The following TRHDE variants were observed in gnomAD, a reference collection of about 807,000 sequenced individuals.
TRHDE encodes the protein thyrotropin-releasing hormone-degrading ectoenzyme.
A neutral mutation model predicts 125.7 loss-of-function variants in TRHDE; 72 were observed. The ratio of observed to expected loss-of-function variants is 0.57; its 90% CI spans 0.47 to 0.70. The LOEUF is 0.70. Ranked by LOEUF, TRHDE falls within the 30% of genes least tolerant of loss-of-function variation. TRHDE has a pLI of 0.00. For missense variants in TRHDE, 1,110 were observed against 1,327.1 expected (o/e 0.84, Z 2.54); for synonymous variants, 509 against 509.1 (o/e 1.00, Z 0.00).
intron 2 of TRHDE, among the ~76,000 whole-genome samples, chr12:72,173,369 A>G (rs1259558371): frequency 6.6e-6 from 1 of 152,210 alleles, no homozygotes; most frequent in Non-Finnish European, 1.5e-5. Context: ...CTATCTGACT[A>G]AAGGTTTCAC....
rs1235485416 is a variant in TRHDE at position 72,656,963 on chromosome 12, C to T, written c.3021C>T (p.Ile1007=). ...GEALFMNSKL[I]SGVTEFLNTE... is the part of the protein sequence containing the mutation. ...CATTGTTTATGAATTCCAAACTCAT[C>T]AGTGGTGTCACAGAATTTCTTAATA... Residue 1007 remains isoleucine, a synonymous_variant, in exon 18 of 19, where the codon ATC becomes ATT. Transcript: ENST00000261180. The T allele has an allele frequency of 6.2e-7, 1 of 1,611,134 alleles. No individual in the cohort carries two copies. The highest frequency in any genetic ancestry group is 1.1e-5 in the South Asian group (1 of 90,724).
intron 5 of TRHDE, among the ~76,000 whole-genome samples, chr12:72,478,195 G>A (rs1421557513): frequency 1.3e-5 from 2 of 152,138 alleles, no homozygotes; most frequent in Admixed American, 6.6e-5. Context: ...CTGATACCCA[G>A]TGAATGTGAG....
In TRHDE at chr12:72,668,237, G is replaced by A. The variant is rs375410980; in HGVS notation, c.*5042G>A. 4.6e-5 allele frequency: 7 copies of A among 151,680 alleles called. No individual in the cohort carries two copies. In the South Asian group the frequency reaches 8.3e-4, roughly 18 times the overall value. 9.4% of individuals were successfully genotyped at this position (151,680 alleles called of 1,614,324 possible). The stretch of plus-strand genomic sequence containing the variant: ...ACTTCAGTAGTTTTATTTTTATTTT[G>A]TGAAATTTTATTTTAAAGTTTAGGT... On this transcript the variant is annotated 3_prime_UTR_variant, in exon 19 of 19. Coordinates refer to ENST00000261180, the MANE Select transcript of TRHDE (RefSeq NM_013381.3).
chr12:72,515,800 T>C (rs1266419465), intron 6 of TRHDE, among the ~76,000 whole-genome samples: 1 of 151,962 alleles, frequency 6.6e-6, no homozygotes, highest in African/African-American at 2.4e-5. Context: ...GTTTAATCCA[T>C]CTTGAATTGA....
chr12:72,375,579 A>G (rs2135771937), intron 2 of TRHDE, among the ~76,000 whole-genome samples: 1 of 152,324 alleles, frequency 6.6e-6, no homozygotes, highest in African/African-American at 2.4e-5. Flanking sequence ...ATTTTAGAGT[A>G]GTTCCGGTTA....
chr12:72,342,778 G>A (rs1387170447), intron 2 of TRHDE, among the ~76,000 whole-genome samples: 5 of 152,046 alleles, frequency 3.3e-5, no homozygotes, highest in African/African-American at 1.2e-4. Flanking sequence ...TAGTTTTATA[G>A]ACAGGAACCT....
rs894758832 is a variant in TRHDE at position 72,487,100 on chromosome 12, A to AT, written c.1585-12388dup. Among the ~76,000 whole-genome samples the AT allele has an allele frequency of 1.3e-3, 189 of 150,512 alleles. 1 individual carries two copies. Among genetic ancestry groups the AT allele is most frequent in the African/African-American group, 3.8e-3 (155 of 41,118 alleles). On this transcript the variant is annotated intron_variant, in intron 5 of 18. Transcript: ENST00000261180. The stretch of plus-strand genomic sequence containing the variant: ...TAGGTCTTTTGAAATGATTGTCAGA[A>AT]TTTTTTTTTTACAAAATTAAAAACT...
At chr12:72,451,318 G>T (rs1475892841) in intron 3 of TRHDE, among the ~76,000 whole-genome samples, 1 of 151,964 alleles carries the variant, frequency 6.6e-6, no homozygotes, top group African/African-American at 2.4e-5. Context: ...ATGAGATCAG[G>T]GTCTAATTTC....
chr12:72,555,574 T>G, intron 7 of TRHDE, among the ~76,000 whole-genome samples: 1 of 152,228 alleles, frequency 6.6e-6, no homozygotes, highest in Non-Finnish European at 1.5e-5. Context: ...GATTTGTTAC[T>G]CATTTTTACT....
intron 6 of TRHDE, among the ~76,000 whole-genome samples, chr12:72,513,790 G>C (rs1230605025): frequency 6.6e-6 from 1 of 151,880 alleles, no homozygotes; most frequent in East Asian, 1.9e-4. Context: ...GTTTCACAGA[G>C]GTAAGAAAAT....
chr12:72,155,785 G>A lies in TRHDE; in HGVS notation n.279+50033G>A, dbSNP rs533638899. Among the ~76,000 whole-genome samples, 54 of 152,308 alleles carry A rather than the reference G, an allele frequency of 3.5e-4. 2 individuals are homozygous for A. In the South Asian group the frequency reaches 7.2e-3, roughly 20 times the overall value. On this transcript the variant is annotated intron_variant and non_coding_transcript_variant, in intron 2 of 4. Coordinates refer to the TRHDE transcript ENST00000548156. ...CTCAGAGGAGTACCTGGCCATGTGAGGTGTCAGTCTGCCCCTACTGGGGGG... is the reference window on the plus strand; with the variant it reads ...CTCAGAGGAGTACCTGGCCATGTGAAGTGTCAGTCTGCCCCTACTGGGGGG...
Position 72,663,742 on chromosome 12 carries a change from C to G in TRHDE, c.*547C>G, listed in dbSNP as rs981889551. On this transcript the variant is annotated 3_prime_UTR_variant, in exon 19 of 19. Coordinates refer to ENST00000261180, the MANE Select transcript of TRHDE (RefSeq NM_013381.3). ...GGGCAATGTGAGAGGTAAAATAGCC[C>G]TTGACATGATGAACATCACTTATTT... The G allele has an allele frequency of 2.6e-5, 4 of 152,374 alleles. No individual in the cohort carries two copies. The highest frequency in any genetic ancestry group is 5.9e-5 in the Non-Finnish European group (4 of 67,998). The allele number at this position is 152,374 out of a possible 1,614,324, so 9.4% of individuals were successfully genotyped here.
At chr12:72,171,113 C>T (rs1876863582) in intron 2 of TRHDE, among the ~76,000 whole-genome samples, 1 of 152,048 alleles carries the variant, frequency 6.6e-6, no homozygotes, top group Non-Finnish European at 1.5e-5. Flanking sequence ...ATCAGAATTC[C>T]TTGATATAAA....
At chr12:72,402,282 C>CA (rs58673485) in intron 3 of TRHDE, among the ~76,000 whole-genome samples, 1,588 of 148,964 alleles carry the variant, frequency 0.011, 39 homozygotes, top group African/African-American at 0.036. Context: ...AAAAAAACCG[C>CA]AAAAAAAAAA....
At chr12:72,579,154 A>T (rs1365829400) in intron 12 of TRHDE, among the ~76,000 whole-genome samples, 11 of 152,022 alleles carry the variant, frequency 7.2e-5, no homozygotes, top group African/African-American at 2.7e-4. Flanking sequence ...TTACTTTTGT[A>T]AGTTGAATTT....
At chr12:72,587,468 T>C (rs1372140474) in intron 12 of TRHDE, among the ~76,000 whole-genome samples, 1 of 152,050 alleles carries the variant, frequency 6.6e-6, no homozygotes, top group Admixed American at 6.6e-5. Flanking sequence ...ATTAGATAGA[T>C]AGATGATAGG....
chr12:72,117,830 C>T (rs1242668336), intron 2 of TRHDE, among the ~76,000 whole-genome samples: 1 of 148,872 alleles, frequency 6.7e-6, no homozygotes, highest in African/African-American at 2.5e-5. Context: ...TTACTTGTAG[C>T]TATTGTAAAT....
At chr12:72,153,283 CTCTTT>C (rs1876415689) in intron 2 of TRHDE, among the ~76,000 whole-genome samples, 3 of 152,084 alleles carry the variant, frequency 2.0e-5, no homozygotes, top group Admixed American at 2.0e-4. Context: ...TGATTCTTCT[CTCTTT>C]TCTTCTTTAT....
intron 6 of TRHDE, among the ~76,000 whole-genome samples, chr12:72,523,908 C>T (rs1868289880): frequency 6.6e-6 from 1 of 152,074 alleles, no homozygotes; most frequent in Non-Finnish European, 1.5e-5. Context: ...CTGTGCTTTG[C>T]CACTCTGAAA....
Sources: gnomAD v4.1 joint callset for allele counts (sites outside exome capture counted in the v4.1 genomes callset) on GRCh38, gnomAD v4.1.1 for gene constraint, MANE v1.5 for transcripts, NCBI Gene and HGNC (gene_info 2026-07-23, HGNC 2026-07-21) for gene names.